The following ILDR1 variants were observed in gnomAD, a reference collection of about 807,000 sequenced individuals.
ILDR1 encodes immunoglobulin like domain containing receptor 1, also known as immunoglobulin-like domain-containing receptor 1.
A neutral mutation model predicts 62.4 loss-of-function variants in ILDR1; 56 were observed. That is an observed-to-expected ratio of 0.90 (90% confidence interval 0.72 to 1.12). The LOEUF is 1.12. ILDR1 is among the 50% of genes most tolerant of loss of function. The pLI is 0.00. For missense variants in ILDR1, 736 were observed against 710.6 expected (o/e 1.04, Z -0.41); for synonymous variants, 284 against 277.8 (o/e 1.02, Z -0.22).
At chr3:122,034,378 A>C in the ILDR1 span, among the ~76,000 whole-genome samples, 1 of 152,206 alleles carries the variant, frequency 6.6e-6, no homozygotes, top group East Asian at 1.9e-4. Flanking sequence ...AATCCTGGAC[A>C]AACTGCAAAC....
chr3:122,039,423 A>G, the ILDR1 span, among the ~76,000 whole-genome samples: 1 of 152,096 alleles, frequency 6.6e-6, no homozygotes, highest in Non-Finnish European at 1.5e-5. Flanking sequence ...AAAACAAGAT[A>G]AGAATTACAG....
At chr3:122,047,153 T>A in the ILDR1 span, among the ~76,000 whole-genome samples, 4 of 149,116 alleles carry the variant, frequency 2.7e-5, no homozygotes, top group Non-Finnish European at 1.5e-5. Context: ...GACCCTCAGC[T>A]GCAGGTCTGT....
intron 1 of ILDR1, among the ~76,000 whole-genome samples, chr3:122,009,145 G>C (rs2071664593): frequency 6.7e-6 from 1 of 149,442 alleles, no homozygotes; most frequent in African/African-American, 2.5e-5. Flanking sequence ...TGCCCAGGCT[G>C]GTCTTGAACT....
intron 3 of ILDR1, among the ~76,000 whole-genome samples, chr3:122,004,871 C>A (rs1353368668): frequency 2.0e-5 from 3 of 151,994 alleles, no homozygotes; most frequent in African/African-American, 4.8e-5. Context: ...CAGGAATAGC[C>A]GGAAGGAAAC....
At chr3:122,058,023 G>A in the ILDR1 span, among the ~76,000 whole-genome samples, 1 of 152,170 alleles carries the variant, frequency 6.6e-6, no homozygotes, top group Non-Finnish European at 1.5e-5. Flanking sequence ...CCAGTTTCTT[G>A]TCTGTAAAAT....
chr3:122,050,558 A>G, the ILDR1 span, among the ~76,000 whole-genome samples: 1 of 130,192 alleles, frequency 7.7e-6, no homozygotes, highest in Non-Finnish European at 1.6e-5. Context: ...CCCCCCCCAC[A>G]GTTATGGATG....
Position 122,005,345 on chromosome 3 carries a change from T to G in ILDR1, c.278A>C (p.Asn93Thr), listed in dbSNP as rs2107661685. The change falls in exon 3 of 8, where the codon AAC becomes ACC. Residue 93 changes from asparagine (N) to threonine (T), a missense_variant. Coordinates refer to ENST00000344209, the MANE Select transcript of ILDR1 (RefSeq NM_001199799.2). ...SLGQDPSNDCNDNQREVRIVA... is the reference protein window; with the variant it reads ...SLGQDPSNDCTDNQREVRIVA... ...TATGCGAACTTCCCGCTGGTTGTCG[T>G]TGCAGTCATTGGATGGGTCCTGGCC... 6.2e-7 allele frequency: 1 copy of G among 1,614,174 alleles called. No homozygotes were observed.
chr3:122,052,388 A>T, the ILDR1 span, among the ~76,000 whole-genome samples: 15 of 152,110 alleles, frequency 9.9e-5, no homozygotes, highest in African/African-American at 3.4e-4. Context: ...TAGGCCACTG[A>T]ACTGTATCAG....
At chr3:122,026,437 G>C (rs534264078), upstream of ILDR1, among the ~76,000 whole-genome samples, 1 of 152,308 alleles carries the variant, frequency 6.6e-6, no homozygotes, top group Admixed American at 6.5e-5. Flanking sequence ...TGGGGGTTGA[G>C]ACAAGGATAT....
At chr3:122,014,767 A>T (rs1040000750) in intron 1 of ILDR1, among the ~76,000 whole-genome samples, 6 of 151,982 alleles carry the variant, frequency 3.9e-5, no homozygotes, top group South Asian at 4.2e-4. Context: ...CAATCTTTAA[A>T]TTTTTTTTTG....
In ILDR1 at chr3:122,001,807, G is replaced by T; in HGVS notation, c.437C>A (p.Thr146Asn). ...MWWDHGVYYC[T>N]IEAPGDTSGD... Reference sequence around the variant, plus strand: ...TGATGTGTCCCCTGGAGCCTCAATGGTGCAGTAATACACTCCATGGTCCCA... The same window carrying T: ...TGATGTGTCCCCTGGAGCCTCAATGTTGCAGTAATACACTCCATGGTCCCA... The change falls in exon 4 of 8, where the codon ACC (threonine) becomes AAC (asparagine). Residue 146 changes from threonine (T) to asparagine (N), a missense_variant. Thr to Asn is a moderately conservative substitution (Grantham distance 65). Coordinates refer to ENST00000344209, the MANE Select transcript of ILDR1 (RefSeq NM_001199799.2). The T allele has an allele frequency of 6.2e-7, 1 of 1,613,418 alleles. No homozygotes were observed. The highest frequency in any genetic ancestry group is 8.5e-7 in the Non-Finnish European group (1 of 1,179,900).
chr3:122,028,063 C>G, the ILDR1 span, among the ~76,000 whole-genome samples: 1 of 151,828 alleles, frequency 6.6e-6, no homozygotes, highest in Admixed American at 6.6e-5. Flanking sequence ...CGCGGTGGCT[C>G]ACGCCTGTAA....
At chr3:122,035,670 C>G in the ILDR1 span, among the ~76,000 whole-genome samples, 31 of 152,162 alleles carry the variant, frequency 2.0e-4, no homozygotes, top group Non-Finnish European at 4.3e-4. Flanking sequence ...TGCTTGCTTC[C>G]CCTTTGCCTT....
At position 121,994,312 on chromosome 3, in the gene ILDR1, G is replaced by C; in HGVS notation, c.648C>G (p.Ala216=). The part of the protein sequence containing the change: ...CPAHCCCPEE[A]LARHRYMKQA... Reference sequence around the variant, plus strand: ...GCTTCATGTAGCGGTGGCGGGCCAGGGCTGCAGGGAAAGAAGGAGAAATGC... The same window carrying C: ...GCTTCATGTAGCGGTGGCGGGCCAGCGCTGCAGGGAAAGAAGGAGAAATGC... The change falls in exon 6 of 8, where the codon GCC becomes GCG. Residue 216 remains alanine, a splice_region_variant and synonymous_variant. Coordinates refer to ENST00000344209, the MANE Select transcript of ILDR1 (RefSeq NM_001199799.2). 1 of 1,531,886 alleles carries C rather than the reference G, an allele frequency of 6.5e-7. No individual in the cohort carries two copies. The highest frequency in any genetic ancestry group is 8.7e-7 in the Non-Finnish European group (1 of 1,143,778). 94.9% of individuals were successfully genotyped at this position (1,531,886 alleles called of 1,614,324 possible). A position where few individuals can be genotyped will look rare whatever the true frequency, so the allele number is the denominator to read the frequency against.
the ILDR1 span, among the ~76,000 whole-genome samples, chr3:122,055,739 C>T: frequency 2.0e-5 from 3 of 152,124 alleles, no homozygotes; most frequent in Non-Finnish European, 4.4e-5. Flanking sequence ...TTTTGTAAAT[C>T]TGTTATTCAA....
rs752349591 is a variant in ILDR1 at position 121,994,350 on chromosome 3, A to T, written c.647-37T>A. On this transcript the variant is annotated intron_variant, in intron 5 of 7. Transcript: ENST00000344209. ...GAAGGAGAAATGCAGGCCCTCAGCC[A>T]GGGCAAGCCCCACACCTCCCACTTC... 29 of 1,514,490 alleles carry T rather than the reference A, an allele frequency of 1.9e-5. 1 individual carries two copies. The South Asian group carries it at 3.4e-4, about 18-fold the overall frequency. 93.8% of individuals were successfully genotyped at this position (1,514,490 alleles called of 1,614,324 possible). A position where few individuals can be genotyped will look rare whatever the true frequency, so the allele number is the denominator to read the frequency against.
chr3:122,015,902 T>C (rs2071770017), intron 1 of ILDR1, among the ~76,000 whole-genome samples: 1 of 152,228 alleles, frequency 6.6e-6, no homozygotes, highest in Non-Finnish European at 1.5e-5. Context: ...AGTACTGTAC[T>C]CATGCATGCT....
chr3:121,993,318 A>T lies in ILDR1; in HGVS notation c.1431T>A (p.Ser477Arg), dbSNP rs1033754995. ...CCTTGTCCTCTTCAGAGCTCCAGGA[A>T]CTGAGGCCGGAGGGCAAGGGAGGAG... The part of the protein sequence containing the change: ...SYSPPLPSGL[S>R]SWSSEEDKER... Residue 477 changes from serine to arginine, a missense_variant, in exon 7 of 8, where the codon AGT becomes AGA. Coordinates refer to ENST00000344209, the MANE Select transcript of ILDR1 (RefSeq NM_001199799.2). 6.2e-7 allele frequency: 1 copy of T among 1,612,004 alleles called. No individual in the cohort carries two copies. Among genetic ancestry groups the T allele is most frequent in the African/African-American group, 1.3e-5 (1 of 74,886 alleles).
the ILDR1 span, among the ~76,000 whole-genome samples, chr3:122,031,986 G>A: frequency 6.6e-6 from 1 of 152,032 alleles, no homozygotes; most frequent in Admixed American, 6.6e-5. Context: ...TGAAGTATAA[G>A]GCAATTCTGA....
Sources: allele counts gnomAD v4.1 joint callset (sites outside exome capture counted in the v4.1 genomes callset), GRCh38; gene constraint gnomAD v4.1.1; transcripts MANE v1.5; gene names NCBI Gene and HGNC (gene_info 2026-07-23, HGNC 2026-07-21).